The following GPR141 variants were observed in gnomAD, a reference collection of about 807,000 sequenced individuals.
GPR141 encodes probable G protein-coupled receptor 141.
In GPR141, 6 loss-of-function variants were observed where a neutral mutation model predicts 6.8. The observed-to-expected ratio is 0.88, with a 90% CI of 0.48 to 1.74. The LOEUF is 1.74. GPR141 is among the 40% of genes most tolerant of loss of function. The pLI is 0.01. For synonymous variants in GPR141, 140 were observed against 142.3 expected, an observed-to-expected ratio of 0.98 and a Z score of 0.11; for missense variants, 372 against 372.9, an observed-to-expected ratio of 1.00 and a Z score of 0.02.
At chr7:37,731,180 CAGTTCTTTAA>C (rs1170585769) in intron 2 of GPR141, among the ~76,000 whole-genome samples, 1 of 152,168 alleles carries the variant, frequency 6.6e-6, no homozygotes, top group Non-Finnish European at 1.5e-5. Context: ...TTGGAGAATT[CAGTTCTTTAA>C]TGTAATACTG....
Position 37,742,844 on chromosome 7 carries a change from C to T in GPR141, c.*1533C>T, listed in dbSNP as rs1456883875. 6.6e-6 allele frequency among the ~76,000 whole-genome samples: 1 copy of T among 152,106 alleles called. No homozygotes were observed. On this transcript the variant is annotated 3_prime_UTR_variant, in exon 3 of 3. Transcript: ENST00000334425. ...ACAAACCTGCACATGTACCCCTGAA[C>T]TTAAAATAAAATTTAAAGTAATAAT...
At position 37,742,121 on chromosome 7, in the gene GPR141, A is replaced by T. The variant is rs1480291150; in HGVS notation, c.*810A>T. ...TGAGTTCCCAAGGGAAGTGATTAAA[A>T]TTTTTTTCTCTTCTGTTTTTTGAGA... is the stretch of plus-strand genomic sequence containing the variant. On this transcript the variant is annotated 3_prime_UTR_variant, in exon 3 of 3. Coordinates refer to ENST00000334425, the MANE Select transcript of GPR141 (RefSeq NM_001381946.1). 6.6e-6 allele frequency among the ~76,000 whole-genome samples: 1 copy of T among 151,996 alleles called. No individual in the cohort carries two copies. The highest frequency in any genetic ancestry group is 2.4e-5 in the African/African-American group (1 of 41,380).
intron 2 of GPR141, among the ~76,000 whole-genome samples, chr7:37,694,816 T>C (rs150658729): frequency 1.3e-5 from 2 of 152,242 alleles, no homozygotes; most frequent in African/African-American, 4.8e-5. Context: ...CCCATGACCT[T>C]AGCACCTCCT....
At chr7:37,700,447 T>C (rs770214085) in intron 2 of GPR141, among the ~76,000 whole-genome samples, 10 of 152,148 alleles carry the variant, frequency 6.6e-5, no homozygotes, top group Non-Finnish European at 1.2e-4. Flanking sequence ...CCATGTCAGA[T>C]TGTCTCCACT....
chr7:37,704,554 C>T (rs1484577494), intron 2 of GPR141, among the ~76,000 whole-genome samples: 1 of 152,150 alleles, frequency 6.6e-6, no homozygotes, highest in Non-Finnish European at 1.5e-5. Flanking sequence ...GATTCAATTA[C>T]CTCCCACTGA....
intron 2 of GPR141, among the ~76,000 whole-genome samples, chr7:37,702,287 G>A (rs1810309341): frequency 2.0e-5 from 3 of 151,856 alleles, no homozygotes; most frequent in African/African-American, 7.3e-5. Flanking sequence ...TGTCAATATT[G>A]TTTTAGGTTT....
chr7:37,715,663 G>A (rs1231323867), intron 2 of GPR141, among the ~76,000 whole-genome samples: 2 of 152,198 alleles, frequency 1.3e-5, no homozygotes, highest in Non-Finnish European at 2.9e-5. Flanking sequence ...GGCTTTGATG[G>A]GTTCAAAATT....
intron 2 of GPR141, among the ~76,000 whole-genome samples, chr7:37,703,424 G>GAAATTTCTCAGCTATTATCTCTCAAAA (rs1810382479): frequency 6.6e-6 from 1 of 152,034 alleles, no homozygotes; most frequent in Non-Finnish European, 1.5e-5. Context: ...ATCAATTCTG[G>GAAATTTCTCAGCTATTATCTCTCAAAA]AAATTTCTCA....
At chr7:37,727,525 G>C (rs1402426464) in intron 2 of GPR141, among the ~76,000 whole-genome samples, 1 of 152,086 alleles carries the variant, frequency 6.6e-6, no homozygotes, top group Non-Finnish European at 1.5e-5. Flanking sequence ...TGCCCTCTTA[G>C]CAAACCAACC....
At chr7:37,688,717 T>C (rs1004444745) in intron 2 of GPR141, among the ~76,000 whole-genome samples, 6 of 152,180 alleles carry the variant, frequency 3.9e-5, no homozygotes, top group African/African-American at 1.2e-4. Flanking sequence ...CATAGTCATC[T>C]GACAAGAGGA....
At chr7:37,701,712 T>C (rs1411565037) in intron 2 of GPR141, among the ~76,000 whole-genome samples, 1 of 152,202 alleles carries the variant, frequency 6.6e-6, no homozygotes, top group Non-Finnish European at 1.5e-5. Context: ...TTCAGTGGAA[T>C]TGTACTTAAT....
intron 2 of GPR141, among the ~76,000 whole-genome samples, chr7:37,695,001 C>G (rs1809950996): frequency 6.6e-6 from 1 of 152,198 alleles, no homozygotes. Context: ...CAGCTTAGGG[C>G]CCTGAAGGCA....
intron 2 of GPR141, among the ~76,000 whole-genome samples, chr7:37,737,336 C>T (rs976321632): frequency 3.9e-5 from 5 of 126,854 alleles, no homozygotes; most frequent in African/African-American, 1.3e-4. Flanking sequence ...GGACTGTTTA[C>T]TCTATTTACA....
intron 1 of GPR141, among the ~76,000 whole-genome samples, 172 bp downstream of exon 1, chr7:37,684,075 C>A (rs1448594818): frequency 6.6e-6 from 1 of 152,148 alleles, no homozygotes; most frequent in East Asian, 1.9e-4. Flanking sequence ...TTGTTCTATT[C>A]TTACTGCTTA....
intron 2 of GPR141, among the ~76,000 whole-genome samples, chr7:37,722,834 A>C (rs1811404912): frequency 2.0e-5 from 3 of 152,172 alleles, no homozygotes; most frequent in African/African-American, 7.2e-5. Flanking sequence ...CTATCTAACA[A>C]TCTAACACAG....
chr7:37,717,512 C>T (rs920040354), intron 2 of GPR141, among the ~76,000 whole-genome samples: 2 of 152,178 alleles, frequency 1.3e-5, no homozygotes, highest in African/African-American at 2.4e-5. Context: ...GTTTCCATAT[C>T]AGTGCCTGCC....
chr7:37,709,990 A>G (rs1810713430), intron 2 of GPR141, among the ~76,000 whole-genome samples: 1 of 147,656 alleles, frequency 6.8e-6, no homozygotes, highest in South Asian at 2.2e-4. Context: ...ATTCTCTCAC[A>G]GCATGGATTC....
intron 2 of GPR141, among the ~76,000 whole-genome samples, chr7:37,690,265 C>A (rs779258241): frequency 6.6e-6 from 1 of 152,056 alleles, no homozygotes. Context: ...ATGTCCCCTC[C>A]GAATCTCATG....
At chr7:37,707,314 G>A (rs1223495713) in intron 2 of GPR141, among the ~76,000 whole-genome samples, 1 of 152,142 alleles carries the variant, frequency 6.6e-6, no homozygotes, top group Non-Finnish European at 1.5e-5. Flanking sequence ...GGCTTAGAGA[G>A]GTCAAACAAC....
Sources: allele counts gnomAD v4.1 joint callset (sites outside exome capture counted in the v4.1 genomes callset), GRCh38; gene constraint gnomAD v4.1.1; transcripts MANE v1.5; gene names NCBI Gene and HGNC (gene_info 2026-07-23, HGNC 2026-07-21).